The following NBPF12 variants were observed in gnomAD, a reference collection of about 807,000 sequenced individuals.
NBPF12 encodes the protein NBPF family member NBPF12.
In NBPF12, 115 loss-of-function variants were observed where a neutral mutation model predicts 146.4. The observed-to-expected ratio is 0.79, with a 90% CI of 0.68 to 0.92. The LOEUF (loss-of-function observed/expected upper bound fraction) is 0.92. Ranked by LOEUF, NBPF12 falls within the 40% of genes least tolerant of loss-of-function variation. The pLI is 0.00. For synonymous variants in NBPF12, 385 were observed against 508.9 expected (o/e 0.76, Z 3.28); for missense variants, 1,205 against 1,326.8 (o/e 0.91, Z 1.43).
rs1553882928 is a variant in NBPF12, at chr1:146,942,476, T to C, written c.-821-815T>C. ...CTTTTATTCACCACTGTATTCTCAG[T>C]ACTTGACCTCACCTGGCATGAAACA... is the stretch of plus-strand genomic sequence containing the variant. On this transcript the variant is annotated intron_variant, in intron 1 of 35. Transcript: ENST00000617931. 2.8e-4 allele frequency among the ~76,000 whole-genome samples: 42 copies of C among 151,964 alleles called. No individual in the cohort carries two copies. The East Asian group carries it at 7.9e-3, about 29-fold the overall frequency.
At chr1:146,947,243 C>T (rs1274729168), upstream of NBPF12, among the ~76,000 whole-genome samples, 1 of 151,810 alleles carries the variant, frequency 6.6e-6, no homozygotes, top group Non-Finnish European at 1.5e-5. Flanking sequence ...GCCAGGCTAC[C>T]CTCAGCTTCT....
chr1:146,972,418 A>C (rs1229250796), intron 13 of NBPF12, among the ~76,000 whole-genome samples: 1 of 147,700 alleles, frequency 6.8e-6, no homozygotes, highest in East Asian at 1.9e-4. Context: ...AAACCAAAAA[A>C]GAAAAAAATT....
chr1:146,939,898 G>C (rs1654717948), intron 1 of NBPF12, among the ~76,000 whole-genome samples: 1 of 151,476 alleles, frequency 6.6e-6, no homozygotes, highest in African/African-American at 2.4e-5. Context: ...CAGGAGACTC[G>C]CTTGAACCTG....
At chr1:146,992,639 C>T (rs1275756217) in intron 31 of NBPF12, 73 bp from the exon 35 acceptor site, 26 of 774,540 alleles carry the variant, frequency 3.4e-5, no homozygotes, top group Non-Finnish European at 4.8e-5. Flanking sequence ...TTATGCTACC[C>T]ATGAAACCTA....
intron 21 of NBPF12, among the ~76,000 whole-genome samples, chr1:146,984,532 G>A (rs1488769183): frequency 6.7e-6 from 1 of 149,096 alleles, no homozygotes; most frequent in African/African-American, 2.6e-5. Context: ...AGTGTCCTTT[G>A]ACTCCCTCAT....
intron 2 of NBPF12, among the ~76,000 whole-genome samples, chr1:146,954,667 A>G (rs1195518841): frequency 6.7e-6 from 1 of 150,292 alleles, no homozygotes; most frequent in South Asian, 2.1e-4. Flanking sequence ...AATGATCAAG[A>G]ATAATAAAAT....
At chr1:146,962,133 G>C in intron 4 of NBPF12, 28 bp from the exon 8 acceptor site, 1 of 1,606,700 alleles carries the variant, frequency 6.2e-7, no homozygotes, top group Non-Finnish European at 8.5e-7. Flanking sequence ...GCCTTCCACT[G>C]AGGCAGGCGT....
intron 28 of NBPF12, 46 bp from the exon 32 acceptor site, chr1:146,990,420 A>T (rs1658071214): frequency 2.1e-6 from 1 of 475,660 alleles, no homozygotes; most frequent in Non-Finnish European, 3.5e-6. Flanking sequence ...TTATGTGTGT[A>T]GGAGAACCAG....
chr1:146,977,868 C>A (rs1329174227), intron 18 of NBPF12, among the ~76,000 whole-genome samples, 197 bp downstream of exon 21: 1 of 152,038 alleles, frequency 6.6e-6, no homozygotes, highest in African/African-American at 2.4e-5. Flanking sequence ...AGTTACTCGA[C>A]CCCAGGCAAG....
chr1:146,973,919 G>T (rs1656822077), intron 14 of NBPF12, among the ~76,000 whole-genome samples: 1 of 150,702 alleles, frequency 6.6e-6, no homozygotes, highest in African/African-American at 2.5e-5. Flanking sequence ...AATGTGTGGA[G>T]GTAGCAGTGC....
chr1:146,969,882 G>A (rs1161618535), intron 11 of NBPF12, among the ~76,000 whole-genome samples: 1 of 150,842 alleles, frequency 6.6e-6, no homozygotes, highest in South Asian at 2.1e-4. Context: ...TGATGGGAGG[G>A]CGCTTGTTGG....
At chr1:146,953,023 C>T (rs1257422269) in intron 2 of NBPF12, among the ~76,000 whole-genome samples, 2 of 151,170 alleles carry the variant, frequency 1.3e-5, no homozygotes, top group Non-Finnish European at 2.9e-5. Context: ...GTGAGGGGAA[C>T]AGCGGCGTGC....
chr1:146,954,900 C>CGTGT lies in NBPF12; in HGVS notation c.-184+3430_-184+3433dup, dbSNP rs1185399956. 8.3e-3 allele frequency among the ~76,000 whole-genome samples: 923 copies of CGTGT among 110,968 alleles called. 12 individuals are homozygous for CGTGT. The highest frequency in any genetic ancestry group is 0.04 in the East Asian group (149 of 3,762). The allele number at this position is 110,968 out of a possible 152,430, so 72.8% of individuals were successfully genotyped here. A position where few individuals can be genotyped will look rare whatever the true frequency, so the allele number is the denominator to read the frequency against. On this transcript the variant is annotated intron_variant, in intron 2 of 33. Transcript: ENST00000617844. ...ACACACCCACACACACACACACAAA[C>CGTGT]GTGTGTGTGTGTGTGTGTGTGTATA...
At chr1:146,981,295 A>ATC (rs1657369480) in intron 19 of NBPF12, among the ~76,000 whole-genome samples, 1 of 78,114 alleles carries the variant, frequency 1.3e-5, no homozygotes, top group Non-Finnish European at 2.7e-5. Context: ...AAAAAAAAAA[A>ATC]TATATATATA....
chr1:146,943,374 TCTC>T (rs1258882072), exon 2 of NBPF12: 1 of 330,350 alleles, frequency 3.0e-6, no homozygotes. Flanking sequence ...CCCTTATCAT[TCTC>T]CTGAGGATGT....
chr1:146,960,188 G>C (rs1655765619), exon 4 of NBPF12: 5 of 755,250 alleles, frequency 6.6e-6, no homozygotes, highest in Non-Finnish European at 9.1e-6. Context: ...AGGCAGAGAT[G>C]AACATTCTAG....
rs1488131739 is a variant in NBPF12 at position 146,960,834 on chromosome 1, T to C, written c.175+516T>C. On this transcript the variant is annotated intron_variant, in intron 4 of 33. Coordinates refer to ENST00000617844, the Ensembl canonical transcript of NBPF12. Reference sequence around the variant, plus strand: ...TGCTCCTAATAGAACCTGTGCTATCTATAAGTGACAGCATCAAGAGCAGGG... The same window carrying C: ...TGCTCCTAATAGAACCTGTGCTATCCATAAGTGACAGCATCAAGAGCAGGG... Among the ~76,000 whole-genome samples the C allele has an allele frequency of 2.0e-5, 3 of 152,152 alleles. No homozygotes were observed. In the East Asian group the frequency reaches 5.8e-4, roughly 29 times the overall value.
At chr1:146,969,011 G>C (rs1444356308) in intron 10 of NBPF12, among the ~76,000 whole-genome samples, 6 of 151,374 alleles carry the variant, frequency 4.0e-5, no homozygotes, top group African/African-American at 1.5e-4. Flanking sequence ...CCTCATTTCT[G>C]TACATGGCTT....
At chr1:146,964,426 C>G in exon 7 of NBPF12, 4 of 1,601,124 alleles carry the variant, frequency 2.5e-6, no homozygotes, top group Middle Eastern at 2.0e-4. Flanking sequence ...TCATCTGCCC[C>G]CAGGTAACAC....
Sources: gnomAD v4.1 joint callset for allele counts (sites outside exome capture counted in the v4.1 genomes callset) on GRCh38, gnomAD v4.1.1 for gene constraint, MANE v1.5 for transcripts, NCBI Gene and HGNC (gene_info 2026-07-23, HGNC 2026-07-21) for gene names.